The following CR1L variants were observed in gnomAD, a reference collection of about 807,000 sequenced individuals.
The protein encoded by CR1L is complement component receptor 1-like protein.
In CR1L, 59 loss-of-function variants were observed where a neutral mutation model predicts 62.3. The observed-to-expected ratio is 0.95, with a 90% confidence interval of 0.77 to 1.18. The LOEUF is 1.18. Among genes scored for constraint, CR1L ranks in the 50% most tolerant of loss-of-function variants. The pLI is 0.00. For synonymous variants in CR1L, 279 were observed against 248.7 expected (o/e 1.12, Z -1.15); for missense variants, 700 against 702.8 (o/e 1.00, Z 0.04).
chr1:207,649,043 T>C (rs528681977), intron 1 of CR1L, among the ~76,000 whole-genome samples: 39 of 152,310 alleles, frequency 2.6e-4, no homozygotes, highest in African/African-American at 9.1e-4. Context: ...TCGGCCTTGT[T>C]AACTATTAAA....
intron 1 of CR1L, among the ~76,000 whole-genome samples, chr1:207,654,035 A>T (rs1663268713): frequency 6.6e-6 from 1 of 152,198 alleles, no homozygotes; most frequent in South Asian, 2.1e-4. Context: ...ATCCAAGCCT[A>T]CAAGAATGAA....
intron 9 of CR1L, 115 bp downstream of exon 9, chr1:207,701,733 C>A (rs1424111341): frequency 1.5e-6 from 2 of 1,329,508 alleles, no homozygotes; most frequent in South Asian, 1.2e-5. Flanking sequence ...GAGGTTTGAA[C>A]ACAGGTATTA....
At chr1:207,649,494 G>A (rs1309892647) in intron 1 of CR1L, among the ~76,000 whole-genome samples, 1 of 152,210 alleles carries the variant, frequency 6.6e-6, no homozygotes, top group Non-Finnish European at 1.5e-5. Context: ...TCCAAACTAG[G>A]GTTGTTTTAA....
intron 11 of CR1L, among the ~76,000 whole-genome samples, chr1:207,720,550 A>G (rs767307000): frequency 2.6e-5 from 4 of 152,152 alleles, no homozygotes; most frequent in Non-Finnish European, 4.4e-5. Context: ...ATATCTTGGG[A>G]TACTCAGATC....
Position 207,645,248 on chromosome 1 carries a change from C to G in CR1L, c.15C>G (p.Val5=), listed in dbSNP as rs1306680046. 3 of 1,613,244 alleles carry G rather than the reference C, an allele frequency of 1.9e-6. No homozygotes were observed. The highest frequency in any genetic ancestry group is 2.7e-5 in the African/African-American group (2 of 74,928). ...CCGCGCCGCTCATGGCGCCTCCCGTCCGTCTCGAGCGTCCCTTTCCTTCCC... is the reference window on the plus strand; with the variant it reads ...CCGCGCCGCTCATGGCGCCTCCCGTGCGTCTCGAGCGTCCCTTTCCTTCCC... MAPP[V]RLERPFPSRR... Residue 5 remains valine (V), a synonymous_variant, in exon 1 of 12, where the codon GTC becomes GTG. Coordinates refer to ENST00000508064, the MANE Select transcript of CR1L (RefSeq NM_175710.2).
chr1:207,656,399 C>G (rs1270016415), intron 1 of CR1L, among the ~76,000 whole-genome samples: 2 of 152,186 alleles, frequency 1.3e-5, no homozygotes, highest in African/African-American at 2.4e-5. Context: ...AGCATATTTT[C>G]TCATTAAATT....
intron 1 of CR1L, among the ~76,000 whole-genome samples, chr1:207,647,608 A>T (rs1458435593): frequency 6.6e-6 from 1 of 152,190 alleles, no homozygotes; most frequent in African/African-American, 2.4e-5. Context: ...GACATCTGTT[A>T]AATATCAGAA....
rs531753679 is a variant in CR1L at position 207,645,804 on chromosome 1, T to G, written c.97+474T>G. Among the ~76,000 whole-genome samples, 6 of 152,238 alleles carry G rather than the reference T, an allele frequency of 3.9e-5. No individual in the cohort carries two copies. The East Asian group carries it at 1.2e-3, about 30-fold the overall frequency. ...ACAGTACCCGCGGTAAGGGTTGCAG[T>G]GCGTCTGCTGTGCCCCATGGGCTGG... On this transcript the variant is annotated intron_variant, in intron 1 of 11. Coordinates refer to ENST00000508064, the MANE Select transcript of CR1L (RefSeq NM_175710.2).
intron 11 of CR1L, among the ~76,000 whole-genome samples, chr1:207,718,568 C>G (rs1395916115): frequency 6.6e-6 from 1 of 152,102 alleles, no homozygotes; most frequent in Non-Finnish European, 1.5e-5. Flanking sequence ...ATTACAGGCA[C>G]CCACCACCAC....
At chr1:207,669,599 G>A (rs1571649690) in intron 1 of CR1L, 2 of 1,269,258 alleles carry the variant, frequency 1.6e-6, no homozygotes, top group Non-Finnish European at 2.2e-6. Context: ...AGGCGCCCGG[G>A]CTGACGAGGC....
At chr1:207,694,066 TAGG>T (rs1664033777) in intron 4 of CR1L, among the ~76,000 whole-genome samples, 1 of 152,102 alleles carries the variant, frequency 6.6e-6, no homozygotes, top group South Asian at 2.1e-4. Context: ...ATGAAAAGAG[TAGG>T]AGAACACTGT....
At chr1:207,657,418 C>T (rs780491070) in intron 1 of CR1L, 1 of 607,354 alleles carries the variant, frequency 1.6e-6, no homozygotes. Context: ...TGTGCTTCCT[C>T]CTCCTGTGTA....
At chr1:207,647,400 CCTT>C (rs1663143733) in intron 1 of CR1L, among the ~76,000 whole-genome samples, 1 of 152,158 alleles carries the variant, frequency 6.6e-6, no homozygotes, top group Non-Finnish European at 1.5e-5. Flanking sequence ...GCTTCAGAGA[CCTT>C]CTTGGAACCC....
At chr1:207,660,551 C>T (rs1405785185) in intron 1 of CR1L, among the ~76,000 whole-genome samples, 2 of 152,196 alleles carry the variant, frequency 1.3e-5, no homozygotes, top group Non-Finnish European at 2.9e-5. Context: ...CTTTATTAGT[C>T]TTGCTAGCAG....
intron 9 of CR1L, among the ~76,000 whole-genome samples, chr1:207,707,868 A>G (rs569328721): frequency 8.3e-4 from 127 of 152,128 alleles, no homozygotes; most frequent in African/African-American, 2.9e-3. Context: ...ATATGGGAAA[A>G]GACAGAACTT....
At chr1:207,695,873 C>T (rs1321728238) in intron 5 of CR1L, among the ~76,000 whole-genome samples, 1 of 152,134 alleles carries the variant, frequency 6.6e-6, no homozygotes, top group Non-Finnish European at 1.5e-5. Context: ...CAATACAGCA[C>T]TAGGGTGATG....
At chr1:207,665,103 G>A (rs146850657) in intron 1 of CR1L, among the ~76,000 whole-genome samples, 62 of 152,290 alleles carry the variant, frequency 4.1e-4, no homozygotes, top group African/African-American at 1.5e-3. Context: ...GCCCAGGCTG[G>A]AGTGCAGTGG....
chr1:207,723,357 G>C (rs1362947737), intron 11 of CR1L, among the ~76,000 whole-genome samples: 1 of 151,208 alleles, frequency 6.6e-6, no homozygotes, highest in Non-Finnish European at 1.5e-5. Context: ...TTGAACCCAG[G>C]AGGCAGAGGT....
intron 4 of CR1L, among the ~76,000 whole-genome samples, chr1:207,686,413 A>G (rs1372238877): frequency 2.0e-5 from 3 of 151,928 alleles, no homozygotes; most frequent in Non-Finnish European, 4.4e-5. Context: ...TTCATTATTA[A>G]AAATTTTTTG....
Sources: allele counts gnomAD v4.1 joint callset (sites outside exome capture counted in the v4.1 genomes callset), GRCh38; gene constraint gnomAD v4.1.1; transcripts MANE v1.5; gene names NCBI Gene and HGNC (gene_info 2026-07-23, HGNC 2026-07-21).